DAB1: variants seen among roughly 807,000 people sequenced by gnomAD.
DAB1 encodes the protein DAB adaptor protein 1.
In DAB1, 15 loss-of-function variants were observed where a neutral mutation model predicts 64.6. That is an observed-to-expected ratio of 0.23 (90% confidence interval 0.16 to 0.36). DAB1 has a LOEUF of 0.36. Among genes scored for constraint, DAB1 ranks in the 10% least tolerant of loss-of-function variants. The pLI is 1.00. For synonymous variants in DAB1, 235 were observed against 251.9 expected (o/e 0.93, Z 0.64); for missense variants, 596 against 706.7 (o/e 0.84, Z 1.78).
chr1:57,781,800 T>C (rs531446680), intron 6 of DAB1, among the ~76,000 whole-genome samples: 2 of 151,992 alleles, frequency 1.3e-5, no homozygotes, highest in Non-Finnish European at 2.9e-5. Context: ...TAATAGATAA[T>C]TTGGTACCTT....
rs199613440 is a variant in DAB1 at position 58,539,201 on chromosome 1, C to T, written n.32+7502G>A. Reference sequence around the variant, plus strand: ...TGATGACAGCCCCGTGAGGTGGATGCTAATGTGTTACATTTTCTCCAGTTA... The same window carrying T: ...TGATGACAGCCCCGTGAGGTGGATGTTAATGTGTTACATTTTCTCCAGTTA... On this transcript the variant is annotated intron_variant and non_coding_transcript_variant, in intron 1 of 20. Transcript: ENST00000485760. 53 of 872,740 alleles carry T rather than the reference C, an allele frequency of 6.1e-5. No individual in the cohort carries two copies. In the Admixed American group the frequency reaches 8.5e-4, roughly 14 times the overall value. 54.1% of individuals were successfully genotyped at this position (872,740 alleles called of 1,614,324 possible).
intron 4 of DAB1, among the ~76,000 whole-genome samples, chr1:57,116,386 CG>C (rs1656114284): frequency 1.4e-5 from 2 of 138,086 alleles, no homozygotes; most frequent in South Asian, 4.6e-4. Context: ...CACTTGAACC[CG>C]GGAGGTGGAG....
intron 4 of DAB1, among the ~76,000 whole-genome samples, chr1:58,295,999 A>C (rs1407788081): frequency 2.0e-5 from 3 of 151,098 alleles, no homozygotes; most frequent in South Asian, 4.2e-4. Context: ...AAGCTGAAGC[A>C]GGAGAATCAC....
At chr1:57,715,049 A>G (rs1647068718) in intron 6 of DAB1, among the ~76,000 whole-genome samples, 1 of 152,224 alleles carries the variant, frequency 6.6e-6, no homozygotes, top group Admixed American at 6.5e-5. Context: ...AGCAAACCAA[A>G]TTAAACAATA....
At chr1:58,289,329 A>G (rs565497711) in intron 4 of DAB1, among the ~76,000 whole-genome samples, 2 of 152,302 alleles carry the variant, frequency 1.3e-5, no homozygotes, top group South Asian at 4.1e-4. Context: ...AAGATGATTG[A>G]CAAAAGGCTA....
chr1:57,172,341 G>C (rs1289655662), intron 2 of DAB1, among the ~76,000 whole-genome samples: 2 of 152,158 alleles, frequency 1.3e-5, no homozygotes, highest in Non-Finnish European at 2.9e-5. Context: ...CTTTATTCAT[G>C]TTAGCTCATT....
chr1:57,525,185 T>G (rs1644576581), intron 7 of DAB1, among the ~76,000 whole-genome samples: 1 of 152,122 alleles, frequency 6.6e-6, no homozygotes, highest in Non-Finnish European at 1.5e-5. Flanking sequence ...TAGGAATATG[T>G]AGAACCAAGG....
chr1:57,726,836 T>C (rs1647218093), intron 6 of DAB1, among the ~76,000 whole-genome samples: 1 of 152,208 alleles, frequency 6.6e-6, no homozygotes, highest in Non-Finnish European at 1.5e-5. Context: ...TAGTCACTAC[T>C]GTAAACTACC....
chr1:57,086,750 T>A (rs485090), intron 4 of DAB1, among the ~76,000 whole-genome samples: 70,203 of 151,328 alleles, frequency 0.46, 16,603 homozygotes, highest in East Asian at 0.61. Flanking sequence ...GATGGCAATG[T>A]GCCTCTTTGT....
At chr1:57,475,121 A>C (rs1405618290) in intron 7 of DAB1, among the ~76,000 whole-genome samples, 1 of 152,064 alleles carries the variant, frequency 6.6e-6, no homozygotes, top group Non-Finnish European at 1.5e-5. Context: ...TTAGCCAAAA[A>C]CAAAAATTAG....
intron 6 of DAB1, among the ~76,000 whole-genome samples, chr1:57,801,370 C>T (rs1486158582): frequency 2.0e-5 from 3 of 152,120 alleles, no homozygotes; most frequent in African/African-American, 4.8e-5. Flanking sequence ...GTTCAATTGG[C>T]GAGAGGCAGG....
intron 6 of DAB1, among the ~76,000 whole-genome samples, chr1:57,715,109 C>T (rs1452111330): frequency 2.6e-5 from 4 of 152,034 alleles, no homozygotes; most frequent in African/African-American, 9.7e-5. Context: ...TCCAGGGATG[C>T]AAAGATGGTT....
intron 7 of DAB1, among the ~76,000 whole-genome samples, chr1:57,553,386 GAAAGAA>G (rs1446690556): frequency 0.028 from 415 of 14,566 alleles, 97 homozygotes; most frequent in Middle Eastern, 0.071. Context: ...GGAAGAAAGA[GAAAGAA>G]AGAAAGAAAG....
intron 4 of DAB1, among the ~76,000 whole-genome samples, chr1:58,157,238 A>T (rs1288336047): frequency 6.6e-6 from 1 of 152,190 alleles, no homozygotes; most frequent in African/African-American, 2.4e-5. Context: ...ATCTTCATTG[A>T]AATTGTATTT....
At chr1:57,241,678 T>G (rs1668504792) in intron 2 of DAB1, among the ~76,000 whole-genome samples, 1 of 152,228 alleles carries the variant, frequency 6.6e-6, no homozygotes, top group African/African-American at 2.4e-5. Context: ...CCCACTGATA[T>G]GGAGTCTAGC....
At chr1:57,370,069 A>T (rs1345424403) in intron 1 of DAB1, among the ~76,000 whole-genome samples, 1 of 152,114 alleles carries the variant, frequency 6.6e-6, no homozygotes, top group Non-Finnish European at 1.5e-5. Flanking sequence ...TGTAACAGGA[A>T]CCTTCACTGA....
chr1:57,452,164 C>A (rs1039290674), intron 7 of DAB1, among the ~76,000 whole-genome samples: 2 of 96,430 alleles, frequency 2.1e-5, no homozygotes, highest in African/African-American at 4.1e-5. Flanking sequence ...TCTGCACCCC[C>A]CCTTTTTTTT....
chr1:58,040,490 C>G (rs921611887), intron 5 of DAB1, among the ~76,000 whole-genome samples: 3 of 152,162 alleles, frequency 2.0e-5, no homozygotes, highest in African/African-American at 7.2e-5. Context: ...CTTTTCTCAT[C>G]CTGGTGTTTT....
intron 1 of DAB1, among the ~76,000 whole-genome samples, chr1:57,306,000 A>G (rs1001917354): frequency 6.6e-6 from 1 of 152,004 alleles, no homozygotes; most frequent in African/African-American, 2.4e-5. Flanking sequence ...AAAGAAAAGA[A>G]AACAATGACT....
Sources: gnomAD v4.1 joint callset for allele counts (sites outside exome capture counted in the v4.1 genomes callset) on GRCh38, gnomAD v4.1.1 for gene constraint, MANE v1.5 for transcripts, NCBI Gene and HGNC (gene_info 2026-07-23, HGNC 2026-07-21) for gene names.